NCAM2: variants seen among roughly 807,000 people sequenced by gnomAD.
NCAM2 encodes the protein N-CAM-2.
NCAM2 carries 30 observed loss-of-function variants against 98.1 expected under a neutral mutation model. The observed-to-expected ratio is 0.31, with a 90% CI of 0.23 to 0.41. NCAM2 has a LOEUF of 0.41. NCAM2 is among the 10% of genes least tolerant of loss of function. The pLI is 1.00. For missense variants in NCAM2, 867 were observed against 1,005.8 expected (o/e 0.86, Z 1.87); for synonymous variants, 368 against 342.4 (o/e 1.07, Z -0.83).
chr21:21,116,786 C>T (rs1366813003), intron 1 of NCAM2, among the ~76,000 whole-genome samples: 1 of 151,584 alleles, frequency 6.6e-6, no homozygotes, highest in Non-Finnish European at 1.5e-5. Flanking sequence ...ACCCAGGAGG[C>T]GGAGCTTGCA....
At chr21:21,516,845 C>A (rs1313902368) in intron 16 of NCAM2, among the ~76,000 whole-genome samples, 1 of 152,176 alleles carries the variant, frequency 6.6e-6, no homozygotes, top group Non-Finnish European at 1.5e-5. Flanking sequence ...TGTTCCCTCA[C>A]CGACATTCTA....
intron 12 of NCAM2, among the ~76,000 whole-genome samples, chr21:21,459,902 T>G (rs1401728875): frequency 6.6e-6 from 1 of 151,976 alleles, no homozygotes; most frequent in African/African-American, 2.4e-5. Context: ...TAACAATGCA[T>G]ATTAAAATGT....
At chr21:21,465,241 AT>A (rs569427707) in intron 12 of NCAM2, among the ~76,000 whole-genome samples, 357 of 151,982 alleles carry the variant, frequency 2.3e-3, no homozygotes, top group African/African-American at 8.0e-3. Context: ...TCAACAATGT[AT>A]TTTTTTCTTT....
intron 1 of NCAM2, among the ~76,000 whole-genome samples, chr21:21,255,056 G>T (rs1037713503): frequency 1.3e-5 from 2 of 151,786 alleles, no homozygotes; most frequent in African/African-American, 4.8e-5. Context: ...ATGATATCTT[G>T]GATAGAATAC....
intron 1 of NCAM2, among the ~76,000 whole-genome samples, chr21:21,106,313 G>GAAAAAAAAAAAAAAAAAAAAAAA (rs2066344739): frequency 7.8e-5 from 1 of 12,788 alleles, no homozygotes; most frequent in African/African-American, 7.3e-4. Flanking sequence ...TGTCTCAAAA[G>GAAAAAAAAAAAAAAAAAAAAAAA]CAAAAAAAAA....
chr21:21,173,728 G>A (rs552008267), intron 1 of NCAM2, among the ~76,000 whole-genome samples: 4 of 152,148 alleles, frequency 2.6e-5, no homozygotes, highest in South Asian at 2.1e-4. Context: ...TTGGAATAAC[G>A]ATTAGCATGC....
At chr21:21,353,949 C>T (rs1278887151) in intron 8 of NCAM2, among the ~76,000 whole-genome samples, 3 of 152,018 alleles carry the variant, frequency 2.0e-5, no homozygotes, top group Non-Finnish European at 2.9e-5. Context: ...GTTTTTAGAA[C>T]ATTTGTCTAA....
At chr21:21,484,268 A>G (rs1409612415) in intron 15 of NCAM2, among the ~76,000 whole-genome samples, 1 of 152,168 alleles carries the variant, frequency 6.6e-6, no homozygotes, top group Non-Finnish European at 1.5e-5. Flanking sequence ...CTTGTTTTGT[A>G]TGAAAGTATT....
Position 21,509,049 on chromosome 21 carries a change from C to T in NCAM2, c.2276C>T (p.Ala759Val). 6.2e-7 allele frequency: 1 copy of T among 1,613,308 alleles called. No individual in the cohort carries two copies. The highest frequency in any genetic ancestry group is 8.5e-7 in the Non-Finnish European group (1 of 1,179,646). Residue 759 changes from alanine (A) to valine (V), a missense_variant, in exon 16 of 18, where the codon GCA becomes GTA. Ala to Val is a moderately conservative substitution (Grantham distance 64, BLOSUM62 0). This residue lies in a region of NCAM2 where 125 missense variants were observed against 116.1 expected (regional missense o/e 1.08). Transcript: ENST00000400546. ...AAAGAACTCGAAGAAGGAAAAGCTG[C>T]ATACCTGTGAGTATCAGGCATCTAC... The part of the protein sequence containing the change: ...KSKELEEGKA[A>V]YLKDGSKEPI...
chr21:21,217,860 G>A (rs1343508158), intron 1 of NCAM2, among the ~76,000 whole-genome samples: 5 of 152,164 alleles, frequency 3.3e-5, no homozygotes, highest in East Asian at 1.9e-4. Flanking sequence ...AGACGGGACC[G>A]AAAACAGGAT....
intron 15 of NCAM2, among the ~76,000 whole-genome samples, chr21:21,477,833 T>C (rs539345396): frequency 9.9e-5 from 15 of 152,284 alleles, no homozygotes; most frequent in South Asian, 8.3e-4. Context: ...GATGATCCAA[T>C]TCTTGTTAGA....
At chr21:21,268,263 C>T (rs563221955) in intron 1 of NCAM2, among the ~76,000 whole-genome samples, 1 of 152,152 alleles carries the variant, frequency 6.6e-6, no homozygotes, top group Admixed American at 6.5e-5. Flanking sequence ...TCACTTATCT[C>T]TCACGGAGGA....
chr21:21,468,099 A>G (rs888377003), intron 13 of NCAM2, among the ~76,000 whole-genome samples: 8 of 151,986 alleles, frequency 5.3e-5, no homozygotes, highest in African/African-American at 1.9e-4. Context: ...AGGCAAGTAT[A>G]TGAATGAACC....
At position 21,043,996 on chromosome 21, in the gene NCAM2, T is replaced by A. The variant is rs556972578; in HGVS notation, c.55+45378T>A. ...CAAGGATATTTGAAAATTGGTTTTT[T>A]AATCATTTTAGCTGTAGAAATCATT... On this transcript the variant is annotated intron_variant, in intron 1 of 17. Coordinates refer to ENST00000400546, the MANE Select transcript of NCAM2 (RefSeq NM_004540.5). 7.2e-5 allele frequency among the ~76,000 whole-genome samples: 11 copies of A among 152,102 alleles called. No homozygotes were observed. In the South Asian group the frequency reaches 1.5e-3, roughly 20 times the overall value.
intron 1 of NCAM2, among the ~76,000 whole-genome samples, chr21:21,030,448 G>A (rs74650353): frequency 6.6e-6 from 1 of 152,034 alleles, no homozygotes; most frequent in East Asian, 1.9e-4. Flanking sequence ...CTGTCATCAC[G>A]TCTTCATCTG....
intron 8 of NCAM2, among the ~76,000 whole-genome samples, chr21:21,349,258 A>G (rs1416262233): frequency 6.6e-6 from 1 of 152,200 alleles, no homozygotes; most frequent in East Asian, 1.9e-4. Flanking sequence ...TAATCAAAAA[A>G]TGGGCAAAAG....
chr21:21,406,169 A>C (rs553923496), intron 9 of NCAM2, among the ~76,000 whole-genome samples: 7 of 152,166 alleles, frequency 4.6e-5, no homozygotes, highest in African/African-American at 1.7e-4. Flanking sequence ...GCTCAAGACT[A>C]TTGCAATAGA....
intron 12 of NCAM2, among the ~76,000 whole-genome samples, chr21:21,453,446 G>A (rs1602389324): frequency 2.0e-5 from 3 of 151,998 alleles, no homozygotes; most frequent in Non-Finnish European, 2.9e-5. Context: ...CCAAGCCAAT[G>A]TCCCATGGGG....
chr21:21,068,137 T>C (rs79029067), intron 1 of NCAM2, among the ~76,000 whole-genome samples: 3 of 8,726 alleles, frequency 3.4e-4, no homozygotes, highest in Non-Finnish European at 1.9e-3. Context: ...TTTTTTTTCT[T>C]TTTTTTTTTT....
Sources: gnomAD v4.1 joint callset for allele counts (sites outside exome capture counted in the v4.1 genomes callset) on GRCh38, gnomAD v4.1.1 for gene constraint, gnomAD v4.1.1 regional missense constraint, MANE v1.5 for transcripts, NCBI Gene and HGNC (gene_info 2026-07-23, HGNC 2026-07-21) for gene names.